Variants in ACSS2 observed in about 807,000 individuals in gnomAD.
ACSS2 encodes the protein acyl-CoA synthetase short chain family member 2, also known as acetyl-coenzyme A synthetase, cytoplasmic.
Under a neutral mutation model 90.6 loss-of-function variants are expected in ACSS2, and 58 were observed. The ratio of observed to expected loss-of-function variants is 0.64; its 90% CI spans 0.52 to 0.80. The LOEUF (loss-of-function observed/expected upper bound fraction) is 0.80. Ranked by LOEUF, ACSS2 falls within the 30% of genes least tolerant of loss-of-function variation. The probability of loss-of-function intolerance (pLI) is 0.00; values close to 1 mark genes in which losing one functional copy is unlikely to be tolerated. For missense variants in ACSS2, 759 were observed against 912.0 expected (o/e 0.83, Z 2.16); for synonymous variants, 300 against 330.9 (o/e 0.91, Z 1.01).
intron 2 of ACSS2, among the ~76,000 whole-genome samples, chr20:34,900,294 C>CAAGTA (rs1272012745): frequency 6.6e-6 from 1 of 151,900 alleles, no homozygotes; most frequent in South Asian, 2.1e-4. Context: ...TGCAGCCTCC[C>CAAGTA]AAGTAGCTGC....
chr20:34,920,560 G>A lies in ACSS2; in HGVS notation c.994G>A (p.Gly332Ser). The A allele has an allele frequency of 6.2e-7, 1 of 1,613,888 alleles. No homozygotes were observed. The highest frequency in any genetic ancestry group is 8.5e-7 in the Non-Finnish European group (1 of 1,179,946). Reference sequence around the variant, plus strand: ...ACAGGGTGTGGTTCACACAGTTGGGGGCTACATGCTCTATGTAGCCACAAC... The same window carrying A: ...ACAGGGTGTGGTTCACACAGTTGGGAGCTACATGCTCTATGTAGCCACAAC... The part of the protein sequence containing the change: ...KPKGVVHTVG[G>S]YMLYVATTFK... Residue 332 changes from glycine (G) to serine (S), a missense_variant, in exon 9 of 18, where the codon GGC becomes AGC. Coordinates refer to ENST00000360596, the MANE Select transcript of ACSS2 (RefSeq NM_018677.4).
At chr20:34,925,801 C>G in intron 15 of ACSS2, 35 bp downstream of exon 15, 1 of 1,598,434 alleles carries the variant, frequency 6.3e-7, no homozygotes, top group Non-Finnish European at 8.5e-7. Context: ...ATCTTATTAA[C>G]TCTGCTCCTC....
At chr20:34,903,267 G>A (rs1005934681) in intron 2 of ACSS2, among the ~76,000 whole-genome samples, 6 of 151,510 alleles carry the variant, frequency 4.0e-5, no homozygotes, top group Non-Finnish European at 5.9e-5. Flanking sequence ...ATTTGAACCC[G>A]GCAGGCAGAG....
chr20:34,904,493 A>G (rs764337029), intron 2 of ACSS2, among the ~76,000 whole-genome samples: 3 of 152,190 alleles, frequency 2.0e-5, no homozygotes, highest in South Asian at 4.1e-4. Flanking sequence ...GGACTAGATC[A>G]TGTAGGCCAT....
At chr20:34,906,599 A>G (rs2080812551) in intron 2 of ACSS2, among the ~76,000 whole-genome samples, 1 of 152,082 alleles carries the variant, frequency 6.6e-6, no homozygotes, top group Non-Finnish European at 1.5e-5. Context: ...TTGTACTTGC[A>G]TAGGTTGTGC....
intron 2 of ACSS2, among the ~76,000 whole-genome samples, chr20:34,905,866 C>T (rs780783348): frequency 6.6e-5 from 10 of 152,170 alleles, no homozygotes; most frequent in South Asian, 4.1e-4. Flanking sequence ...ATTTACATTC[C>T]GTGCCTAGAT....
intron 1 of ACSS2, among the ~76,000 whole-genome samples, chr20:34,879,496 GACACACACAC>G (rs11467604): frequency 2.8e-4 from 41 of 147,698 alleles, no homozygotes; most frequent in South Asian, 8.6e-4. Context: ...TCCAGATTCT[GACACACACAC>G]ACACACACAC....
chr20:34,894,287 G>A (rs2080409254), intron 2 of ACSS2, among the ~76,000 whole-genome samples: 1 of 152,050 alleles, frequency 6.6e-6, no homozygotes, highest in African/African-American at 2.4e-5. Context: ...TCAGGAGTTT[G>A]AGATCAGCCT....
At position 34,926,187 on chromosome 20, in the gene ACSS2, T is replaced by C; in HGVS notation, c.1809T>C (p.Pro603=). The C allele has an allele frequency of 6.2e-7, 1 of 1,614,236 alleles. No individual in the cohort carries two copies. The highest frequency in any genetic ancestry group is 8.5e-7 in the Non-Finnish European group (1 of 1,180,028). ...AVAEAAVVGH[P]HPVKGECLYC... is the part of the protein sequence containing the mutation. ...CAGAGGCAGCTGTGGTGGGCCACCC[T>C]CATCCTGTGAAGGGTGAATGCCTCT... Residue 603 remains proline, a synonymous_variant, in exon 16 of 18, where the codon CCT becomes CCC. Coordinates refer to ENST00000360596, the MANE Select transcript of ACSS2 (RefSeq NM_018677.4).
chr20:34,878,217 A>G (rs1429977804), intron 1 of ACSS2, among the ~76,000 whole-genome samples: 1 of 152,204 alleles, frequency 6.6e-6, no homozygotes, highest in Non-Finnish European at 1.5e-5. Flanking sequence ...TTACATGTGC[A>G]TGAGCTACTG....
chr20:34,899,163 C>G (rs576496021), intron 2 of ACSS2, among the ~76,000 whole-genome samples: 145 of 152,296 alleles, frequency 9.5e-4, no homozygotes, highest in Non-Finnish European at 3.1e-4. Flanking sequence ...GTGCGCAGCC[C>G]CGGTTCCCGC....
Position 34,927,777 on chromosome 20 carries a change from T to G in ACSS2, c.*563T>G, listed in dbSNP as rs987291555. On this transcript the variant is annotated 3_prime_UTR_variant, in exon 18 of 18. Coordinates refer to ENST00000360596, the MANE Select transcript of ACSS2 (RefSeq NM_018677.4). The surrounding 1 kb of genome is among the most constrained non-coding windows in gnomAD (Gnocchi z 4.2). ...TCCAGAGGGTATTCAGATCATCTGC[T>G]TCTTTGAAGGAGTAAATGTGTTTTG... 1 of 155,746 alleles carries G rather than the reference T, an allele frequency of 6.4e-6. No individual in the cohort carries two copies. Among genetic ancestry groups the G allele is most frequent in the African/African-American group, 2.4e-5 (1 of 41,596 alleles). The allele number at this position is 155,746 out of a possible 1,614,324, so 9.6% of individuals were successfully genotyped here.
chr20:34,925,610 C>T, intron 14 of ACSS2, 88 bp from the exon 15 acceptor site: 1 of 1,392,140 alleles, frequency 7.2e-7, no homozygotes, highest in Non-Finnish European at 9.9e-7. Context: ...TGTTAGAAGG[C>T]TATTGCAGAA....
chr20:34,889,218 G>A (rs887053099), intron 2 of ACSS2, among the ~76,000 whole-genome samples: 2 of 152,052 alleles, frequency 1.3e-5, no homozygotes, highest in South Asian at 4.2e-4. Flanking sequence ...TGCCTCCTGG[G>A]TTCACACCAT....
At chr20:34,902,083 A>G (rs1199505403) in intron 2 of ACSS2, among the ~76,000 whole-genome samples, 1 of 135,016 alleles carries the variant, frequency 7.4e-6, no homozygotes, top group Non-Finnish European at 1.7e-5. Flanking sequence ...ATTTATAGTT[A>G]TACTACATTA....
intron 2 of ACSS2, chr20:34,908,791 G>A (rs528472943): frequency 2.7e-6 from 1 of 363,690 alleles, no homozygotes; most frequent in African/African-American, 2.2e-5. Flanking sequence ...AACCCAGGAG[G>A]CGGAGGTTGC....
intron 2 of ACSS2, among the ~76,000 whole-genome samples, chr20:34,907,525 G>A (rs892119414): frequency 6.6e-6 from 1 of 152,222 alleles, no homozygotes; most frequent in Non-Finnish European, 1.5e-5. Flanking sequence ...AATCCTGGGT[G>A]CATATATTTA....
Position 34,921,311 on chromosome 20 carries a change from T to C in ACSS2, c.1278-19T>C. On this transcript the variant is annotated intron_variant, in intron 10 of 17. Coordinates refer to ENST00000360596, the MANE Select transcript of ACSS2 (RefSeq NM_018677.4). ...CAGTAGTACTCAGAGCCTTCCTCTC[T>C]CCCATTCCCCTGCCCCAGGCATAGC... is the stretch of plus-strand genomic sequence containing the variant. The C allele has an allele frequency of 6.2e-7, 1 of 1,613,900 alleles. No individual in the cohort carries two copies. The highest frequency in any genetic ancestry group is 1.1e-5 in the South Asian group (1 of 91,070).
chr20:34,898,661 T>C (rs1328413629), intron 2 of ACSS2, among the ~76,000 whole-genome samples: 2 of 152,336 alleles, frequency 1.3e-5, no homozygotes, highest in African/African-American at 4.8e-5. Context: ...AGGGTGCAGA[T>C]TGGTGTATTT....
Sources: gnomAD v4.1 joint callset for allele counts (sites outside exome capture counted in the v4.1 genomes callset) on GRCh38, gnomAD v4.1.1 for gene constraint, Gnocchi (gnomAD v3.1) non-coding constraint, MANE v1.5 for transcripts, NCBI Gene and HGNC (gene_info 2026-07-23, HGNC 2026-07-21) for gene names.